The following TNPO3 variants were observed in gnomAD, a reference collection of about 807,000 sequenced individuals.
The protein encoded by TNPO3 is transportin 3.
A neutral mutation model predicts 122.8 loss-of-function variants in TNPO3; 65 were observed. The observed-to-expected ratio is 0.53, with a 90% CI of 0.43 to 0.65. The LOEUF (loss-of-function observed/expected upper bound fraction) is 0.65. Ranked by LOEUF, TNPO3 falls within the 30% of genes least tolerant of loss-of-function variation. The probability of loss-of-function intolerance (pLI) is 0.00; values close to 1 mark genes in which losing one functional copy is unlikely to be tolerated. For synonymous variants in TNPO3, 372 were observed against 411.2 expected (o/e 0.90, Z 1.15); for missense variants, 850 against 1,136.7 (o/e 0.75, Z 3.63).
At chr7:128,990,300 A>G in intron 10 of TNPO3, 200 bp from the exon 11 acceptor site, 2 of 670,596 alleles carry the variant, frequency 3.0e-6, no homozygotes, top group South Asian at 3.6e-5. Context: ...ATATTGTTTC[A>G]GGAAAAGCAT....
chr7:128,993,981 C>A (rs938926465), intron 8 of TNPO3, 67 bp from the exon 9 acceptor site: 1 of 1,392,138 alleles, frequency 7.2e-7, no homozygotes, highest in Non-Finnish European at 9.9e-7. Context: ...TCTATAAAAT[C>A]AAGAAGAAGA....
chr7:129,016,891 A>T, intron 3 of TNPO3, 92 bp downstream of exon 3: 1 of 1,053,520 alleles, frequency 9.5e-7, no homozygotes, highest in Non-Finnish European at 1.5e-6. Context: ...GTTCAGGGAA[A>T]TAGTCAAATA....
intron 21 of TNPO3, among the ~76,000 whole-genome samples, chr7:128,964,211 C>G (rs1202470865): frequency 6.6e-6 from 1 of 151,938 alleles, no homozygotes; most frequent in African/African-American, 2.4e-5. Context: ...GATTTCAATA[C>G]TACTCAAAGC....
chr7:128,978,033 C>G (rs2129002571), intron 16 of TNPO3, among the ~76,000 whole-genome samples: 1 of 151,910 alleles, frequency 6.6e-6, no homozygotes, highest in East Asian at 1.9e-4. Flanking sequence ...GTTTTCCTCA[C>G]AGCATGGGTA....
At chr7:129,017,106 C>A in intron 2 of TNPO3, 50 bp from the exon 3 acceptor site, 2 of 1,490,714 alleles carry the variant, frequency 1.3e-6, no homozygotes, top group South Asian at 1.1e-5. Context: ...GAAATAGGGT[C>A]ACAATAAATA....
chr7:128,982,196 G>A (rs1799690630), intron 14 of TNPO3, 52 bp downstream of exon 14: 1 of 1,493,684 alleles, frequency 6.7e-7, no homozygotes, highest in South Asian at 1.1e-5. Context: ...ATATACAATG[G>A]TTTCATTTGA....
chr7:128,970,025 T>C (rs1423265984), intron 20 of TNPO3, 123 bp downstream of exon 20: 2 of 1,060,520 alleles, frequency 1.9e-6, no homozygotes, highest in Admixed American at 2.1e-5. Flanking sequence ...TTTGGCAATA[T>C]GCCTAAATTT....
chr7:129,033,782 G>A (rs547534431), intron 1 of TNPO3, among the ~76,000 whole-genome samples: 72 of 151,914 alleles, frequency 4.7e-4, no homozygotes, highest in Non-Finnish European at 8.8e-4. Flanking sequence ...ACATGGTGGC[G>A]CATGACTGTA....
intron 1 of TNPO3, among the ~76,000 whole-genome samples, chr7:129,024,133 A>C (rs911908923): frequency 2.8e-4 from 42 of 152,232 alleles, no homozygotes; most frequent in African/African-American, 9.6e-4. Flanking sequence ...GGTTAAGTCA[A>C]AGGAATCTTT....
At chr7:128,998,939 C>T (rs533701339) in intron 7 of TNPO3, among the ~76,000 whole-genome samples, 42 of 151,952 alleles carry the variant, frequency 2.8e-4, no homozygotes, top group African/African-American at 1.0e-3. Flanking sequence ...CTGCAACTTC[C>T]ACCTCCTGGG....
chr7:128,963,691 G>T (rs764999933), intron 21 of TNPO3, among the ~76,000 whole-genome samples: 22 of 152,202 alleles, frequency 1.4e-4, no homozygotes, highest in Non-Finnish European at 7.3e-5. Context: ...AGCATTCCAT[G>T]GTTTGGGATT....
chr7:128,968,123 G>A (rs900861626), intron 20 of TNPO3, among the ~76,000 whole-genome samples: 3 of 152,118 alleles, frequency 2.0e-5, no homozygotes, highest in African/African-American at 7.2e-5. Context: ...TCAGATACCT[G>A]AAAGAGCAGG....
intron 4 of TNPO3, among the ~76,000 whole-genome samples, chr7:129,011,382 C>T (rs923091502): frequency 3.3e-5 from 5 of 151,922 alleles, no homozygotes; most frequent in Admixed American, 2.0e-4. Flanking sequence ...CTCACTCTGT[C>T]GCTCAGGCTG....
chr7:128,960,816 G>A (rs1016870783), intron 21 of TNPO3, among the ~76,000 whole-genome samples: 16 of 151,842 alleles, frequency 1.1e-4, no homozygotes, highest in African/African-American at 3.1e-4. Context: ...CTGGAGTGCG[G>A]TGGCACAATC....
intron 1 of TNPO3, among the ~76,000 whole-genome samples, chr7:129,034,387 G>A (rs1349576010): frequency 6.6e-6 from 1 of 152,110 alleles, no homozygotes; most frequent in South Asian, 2.1e-4. Context: ...CAGCTACTGG[G>A]GGGTGTGGGC....
intron 5 of TNPO3, among the ~76,000 whole-genome samples, chr7:129,002,721 A>T (rs1396943192): frequency 6.6e-6 from 1 of 152,090 alleles, no homozygotes; most frequent in African/African-American, 2.4e-5. Context: ...GATCGAGACC[A>T]TCCTGGCTAA....
intron 22 of TNPO3, among the ~76,000 whole-genome samples, chr7:128,956,659 T>G (rs561152570): frequency 6.6e-6 from 1 of 152,320 alleles, no homozygotes; most frequent in South Asian, 2.1e-4. Flanking sequence ...AAATCCAAAA[T>G]TGAAAAACAC....
At chr7:129,000,959 C>T (rs1801879070) in intron 6 of TNPO3, 100 bp downstream of exon 6, 6 of 1,364,258 alleles carry the variant, frequency 4.4e-6, no homozygotes, top group Non-Finnish European at 5.1e-6. Flanking sequence ...TTTACAGAAT[C>T]ACTGAGAATC....
chr7:128,991,195 T>C (rs544280073), intron 10 of TNPO3, among the ~76,000 whole-genome samples: 52 of 152,288 alleles, frequency 3.4e-4, no homozygotes, highest in Admixed American at 8.5e-4. Flanking sequence ...CAGGACTTCT[T>C]AACAGAGAAA....
Sources: gnomAD v4.1 joint callset for allele counts (sites outside exome capture counted in the v4.1 genomes callset) on GRCh38, gnomAD v4.1.1 for gene constraint, MANE v1.5 for transcripts, NCBI Gene and HGNC (gene_info 2026-07-23, HGNC 2026-07-21) for gene names.